Variants in RPS24 observed in about 807,000 individuals in gnomAD.
RPS24 encodes ribosomal protein S24.
For synonymous variants in RPS24, 72 were observed against 55.6 expected (o/e 1.30, Z -1.31); for missense variants, 100 against 162.5 (o/e 0.62, Z 2.09).
At chr10:78,050,945 C>A (rs1476451732) in intron 4 of RPS24, among the ~76,000 whole-genome samples, 1 of 152,162 alleles carries the variant, frequency 6.6e-6, no homozygotes, top group Non-Finnish European at 1.5e-5. Flanking sequence ...AATCCCTGCA[C>A]TTTGGGAGGC....
chr10:78,038,993 T>G (rs1315575815), intron 4 of RPS24: 1 of 152,042 alleles, frequency 6.6e-6, no homozygotes, highest in Non-Finnish European at 1.5e-5. Context: ...ATGTGATAAG[T>G]GGGGTAGGAG....
chr10:78,044,579 G>A (rs377429973), downstream of RPS24, among the ~76,000 whole-genome samples: 24 of 151,954 alleles, frequency 1.6e-4, no homozygotes, highest in East Asian at 4.6e-3. Context: ...AGAGCTTTGT[G>A]AACACACCTC....
intron 4 of RPS24, among the ~76,000 whole-genome samples, chr10:78,046,658 T>G (rs1848046874): frequency 6.6e-6 from 1 of 152,076 alleles, no homozygotes; most frequent in South Asian, 2.1e-4. Context: ...CCTGGCCTCA[T>G]TTACCTGCAC....
chr10:78,035,969 G>A, intron 3 of RPS24: 2 of 496,226 alleles, frequency 4.0e-6, no homozygotes, highest in South Asian at 2.1e-5. Flanking sequence ...GGTAAGGATT[G>A]TTTTCCAGAG....
At chr10:78,043,462 C>T (rs1297809633), downstream of RPS24, among the ~76,000 whole-genome samples, 1 of 152,146 alleles carries the variant, frequency 6.6e-6, no homozygotes, top group African/African-American at 2.4e-5. Context: ...TTCAGGCACT[C>T]CAGTATTAAG....
chr10:78,045,786 C>G (rs187451388), intron 4 of RPS24, among the ~76,000 whole-genome samples: 27 of 151,854 alleles, frequency 1.8e-4, no homozygotes, highest in African/African-American at 6.3e-4. Flanking sequence ...GGGTGGATCA[C>G]TTGACGTCAG....
Position 78,035,431 on chromosome 10 carries a change from C to T in RPS24, c.69+14C>T. On this transcript the variant is annotated intron_variant, in intron 2 of 5. Transcript: ENST00000372360. ...AGGAAACAAATGGTAAGGAAGGGCA[C>T]ATCAATCTTTGCTTAATTGTCCTTT... is the stretch of plus-strand genomic sequence containing the variant. 6.2e-7 allele frequency: 1 copy of T among 1,613,586 alleles called. No homozygotes were observed. The highest frequency in any genetic ancestry group is 2.2e-5 in the East Asian group (1 of 44,886).
chr10:78,043,683 T>C (rs968153275), downstream of RPS24, among the ~76,000 whole-genome samples: 3 of 152,232 alleles, frequency 2.0e-5, no homozygotes, highest in African/African-American at 7.2e-5. Context: ...ATGATCTGGC[T>C]TCTGTTCCTT....
chr10:78,054,078 G>A (rs978162268), intron 4 of RPS24, among the ~76,000 whole-genome samples: 1 of 152,082 alleles, frequency 6.6e-6, no homozygotes, highest in Non-Finnish European at 1.5e-5. Flanking sequence ...AGGGTATGGG[G>A]GTGCCTAGGG....
exon 5 of RPS24, chr10:78,054,623 C>T: frequency 6.4e-7 from 1 of 1,551,600 alleles, no homozygotes; most frequent in Non-Finnish European, 8.7e-7. Context: ...CAAGAGAAAG[C>T]CGGGGGGTTG....
intron 2 of RPS24, 21 bp from the exon 3 acceptor site, chr10:78,035,490 A>C (rs367779272): frequency 7.2e-5 from 116 of 1,613,450 alleles, no homozygotes; most frequent in Admixed American, 4.2e-4. Context: ...ACTGAATGCT[A>C]AACTTGATAT....
At chr10:78,038,154 T>C (rs1007364800) in intron 4 of RPS24, 2 of 317,034 alleles carry the variant, frequency 6.3e-6, no homozygotes, top group Non-Finnish European at 6.2e-6. Flanking sequence ...ACAATTACTT[T>C]TGCACCAACC....
intron 4 of RPS24, among the ~76,000 whole-genome samples, chr10:78,051,864 G>T (rs1848101666): frequency 6.6e-6 from 1 of 152,078 alleles, no homozygotes; most frequent in Non-Finnish European, 1.5e-5. Context: ...GTCTTCTTTA[G>T]AAAAATGCCT....
At chr10:78,040,539 T>TA (rs780821404) in intron 5 of RPS24, 76 bp from the exon 6 acceptor site, 3 of 1,034,758 alleles carry the variant, frequency 2.9e-6, no homozygotes, top group Non-Finnish European at 4.6e-6. Context: ...GCATGAGTGT[T>TA]ACTACTTTTG....
chr10:78,046,879 G>A (rs1564632036), intron 4 of RPS24, among the ~76,000 whole-genome samples: 1 of 152,256 alleles, frequency 6.6e-6, no homozygotes, highest in East Asian at 1.9e-4. Flanking sequence ...GTGTGGTCCT[G>A]GACAGCAGCA....
intron 4 of RPS24, among the ~76,000 whole-genome samples, chr10:78,050,020 G>T (rs1310936784): frequency 6.6e-6 from 1 of 152,172 alleles, no homozygotes; most frequent in African/African-American, 2.4e-5. Context: ...AGTTTACTGG[G>T]AAGCTGTGGG....
chr10:78,040,243 C>T lies in RPS24; in HGVS notation c.*19+18C>T, dbSNP rs766642493. ...GATCACAGGTATAATTCAAGCTTTT[C>T]ATGTAGTCATGTAGATCACTAGACT... On this transcript the variant is annotated intron_variant, in intron 5 of 5. Transcript: ENST00000372360. 2.5e-6 allele frequency: 4 copies of T among 1,604,054 alleles called. No homozygotes were observed. The highest frequency in any genetic ancestry group is 3.4e-6 in the Non-Finnish European group (4 of 1,171,074).
intron 4 of RPS24, chr10:78,039,305 A>G (rs1328604740): frequency 6.6e-6 from 1 of 152,196 alleles, no homozygotes; most frequent in Non-Finnish European, 1.5e-5. Context: ...TAACACATTG[A>G]TTGTTCTCTT....
At chr10:78,047,431 A>C (rs1848056366) in intron 4 of RPS24, among the ~76,000 whole-genome samples, 1 of 152,146 alleles carries the variant, frequency 6.6e-6, no homozygotes, top group South Asian at 2.1e-4. Context: ...TTGGTGAAAT[A>C]AAGACGTGTG....
Sources: gnomAD v4.1 joint callset for allele counts (sites outside exome capture counted in the v4.1 genomes callset) on GRCh38, gnomAD v4.1.1 for gene constraint, MANE v1.5 for transcripts, NCBI Gene and HGNC (gene_info 2026-07-23, HGNC 2026-07-21) for gene names.